Variants in COA1 observed in about 807,000 individuals in gnomAD.
COA1 encodes cytochrome c oxidase assembly factor 1, also known as cytochrome c oxidase assembly factor 1 homolog.
In COA1, 13 loss-of-function variants were observed where a neutral mutation model predicts 16.0. The ratio of observed to expected loss-of-function variants is 0.81; its 90% CI spans 0.53 to 1.29. COA1 has a LOEUF of 1.29. COA1 is among the 50% of genes most tolerant of loss of function. The pLI, the probability that COA1 is intolerant of heterozygous loss-of-function variation, is 0.00. For synonymous variants in COA1, 65 were observed against 65.7 expected (o/e 0.99, Z 0.05); for missense variants, 179 against 177.0 (o/e 1.01, Z -0.06).
intron 6 of COA1, among the ~76,000 whole-genome samples, chr7:43,614,662 T>G (rs538051099): frequency 8.5e-5 from 13 of 152,340 alleles, no homozygotes; most frequent in African/African-American, 2.9e-4. Context: ...TGAAATCCCA[T>G]GAAATAGCTC....
chr7:43,610,346 CAAAAAA>C (rs138859141), intron 6 of COA1, among the ~76,000 whole-genome samples: 46 of 41,322 alleles, frequency 1.1e-3, no homozygotes, highest in African/African-American at 4.4e-3. Context: ...GACTCCGTCT[CAAAAAA>C]AAAAAAAAAA....
intron 1 of COA1, among the ~76,000 whole-genome samples, chr7:43,727,466 T>C (rs1227901508): frequency 6.6e-6 from 1 of 152,070 alleles, no homozygotes; most frequent in African/African-American, 2.4e-5. Context: ...GTGGAAACAA[T>C]CCAAACGTCC....
intron 6 of COA1, among the ~76,000 whole-genome samples, chr7:43,617,478 A>G (rs2083457693): frequency 6.6e-6 from 1 of 152,242 alleles, no homozygotes; most frequent in Non-Finnish European, 1.5e-5. Context: ...TGTTAGCTAA[A>G]TGGAAGAGCG....
chr7:43,707,829 C>A (rs574354515), intron 1 of COA1, among the ~76,000 whole-genome samples: 1 of 152,324 alleles, frequency 6.6e-6, no homozygotes, highest in East Asian at 1.9e-4. Flanking sequence ...TATAAACATT[C>A]TTATACACAC....
At chr7:43,728,818 C>G (rs143985860) in intron 1 of COA1, among the ~76,000 whole-genome samples, 62 of 152,308 alleles carry the variant, frequency 4.1e-4, no homozygotes, top group African/African-American at 1.4e-3. Flanking sequence ...ACCGGAGAAA[C>G]AGGTTATCAA....
At position 43,685,286 on chromosome 7, in the gene COA1, G is replaced by T. The variant is rs1274812204; in HGVS notation, c.-38-36634C>A. On this transcript the variant is annotated intron_variant, in intron 1 of 5. Coordinates refer to ENST00000223336, the MANE Select transcript of COA1 (RefSeq NM_018224.4). ...TAAATGCTCTGGAAGAGGCAAAGGG[G>T]TGCCCTATAGACATCCTACTCTCAA... Among the ~76,000 whole-genome samples, 6 of 152,224 alleles carry T rather than the reference G, an allele frequency of 3.9e-5. No individual in the cohort carries two copies. The South Asian group carries it at 6.2e-4, about 16-fold the overall frequency.
intron 3 of COA1, 118 bp from the exon 4 acceptor site, chr7:43,645,517 G>A: frequency 1.1e-6 from 1 of 888,952 alleles, no homozygotes; most frequent in Non-Finnish European, 1.7e-6. Flanking sequence ...TGAAATCTGT[G>A]GATGGACGAA....
At chr7:43,647,218 CCT>C (rs1479560465) in intron 3 of COA1, 14 of 414,338 alleles carry the variant, frequency 3.4e-5, no homozygotes, top group Non-Finnish European at 6.1e-5. Context: ...ATTCCCCTTC[CCT>C]CTGTCCCTTC....
At position 43,639,616 on chromosome 7, in the gene COA1, C is replaced by G. The variant is rs761977200; in HGVS notation, c.407G>C (p.Ser136Thr). Residue 136 changes from serine to threonine, a missense_variant, in exon 6 of 6, where the codon AGT becomes ACT. Ser to Thr is a moderately conservative substitution (Grantham distance 58, BLOSUM62 1). Transcript: ENST00000223336. ...TTTCACTTCATCACCGTTTTCCCCACTGAGCTTGAACACAGGAATCTGCTG... is the reference window on the plus strand; with the variant it reads ...TTTCACTTCATCACCGTTTTCCCCAGTGAGCTTGAACACAGGAATCTGCTG... ...DGQQIPVFKLSGENGDEVKKE is the reference protein window; with the variant it reads ...DGQQIPVFKLTGENGDEVKKE The G allele has an allele frequency of 6.2e-7, 1 of 1,614,032 alleles. No individual in the cohort carries two copies. Among genetic ancestry groups the G allele is most frequent in the Non-Finnish European group, 8.5e-7 (1 of 1,179,950 alleles).
chr7:43,624,930 G>GTT, intron 6 of COA1: 1 of 1,179,836 alleles, frequency 8.5e-7, no homozygotes, highest in Non-Finnish European at 1.2e-6. Flanking sequence ...ACATGTACTG[G>GTT]AAGTGGATAA....
chr7:43,674,316 AT>A (rs1249610681), intron 1 of COA1, among the ~76,000 whole-genome samples: 6 of 152,244 alleles, frequency 3.9e-5, no homozygotes, highest in Non-Finnish European at 7.3e-5. Flanking sequence ...TATTCTTAAA[AT>A]TCAACTCTGA....
chr7:43,648,471 A>C (rs2153098920), intron 2 of COA1, 129 bp downstream of exon 2: 1 of 966,618 alleles, frequency 1.0e-6, no homozygotes. Context: ...TGTGAAGTTA[A>C]AGCACAAGTG....
intron 1 of COA1, among the ~76,000 whole-genome samples, chr7:43,687,838 G>A (rs2094109779): frequency 6.6e-6 from 1 of 152,022 alleles, no homozygotes; most frequent in Non-Finnish European, 1.5e-5. Flanking sequence ...TCCATTAACA[G>A]GCAGTGATAT....
chr7:43,678,288 T>G (rs978132445), intron 1 of COA1, among the ~76,000 whole-genome samples: 4 of 152,192 alleles, frequency 2.6e-5, no homozygotes, highest in Non-Finnish European at 5.9e-5. Context: ...TGCAAAAGTA[T>G]GAAGTTGGAC....
chr7:43,652,515 AG>A (rs1384470701), intron 1 of COA1, among the ~76,000 whole-genome samples: 2 of 152,240 alleles, frequency 1.3e-5, no homozygotes, highest in Admixed American at 1.3e-4. Context: ...ATTCCCTATC[AG>A]AACTATTACA....
chr7:43,690,804 T>G (rs1479967091), intron 1 of COA1, among the ~76,000 whole-genome samples: 2 of 152,036 alleles, frequency 1.3e-5, no homozygotes, highest in Non-Finnish European at 2.9e-5. Context: ...CCTGTAAGAA[T>G]TAGTTGGTCT....
chr7:43,674,946 CA>C (rs1467153310), intron 1 of COA1, among the ~76,000 whole-genome samples: 1 of 152,180 alleles, frequency 6.6e-6, no homozygotes, highest in African/African-American at 2.4e-5. Flanking sequence ...AGTCATCATC[CA>C]AGTTTGTTTT....
At chr7:43,637,364 G>C (rs1000939563), downstream of COA1, among the ~76,000 whole-genome samples, 2 of 152,142 alleles carry the variant, frequency 1.3e-5, no homozygotes, top group Non-Finnish European at 2.9e-5. Flanking sequence ...TTTGCTGGCT[G>C]TGATCCCTCT....
At chr7:43,691,431 AAGAAAGAAAGAAAG>A (rs2094353737) in intron 1 of COA1, among the ~76,000 whole-genome samples, 2 of 85,826 alleles carry the variant, frequency 2.3e-5, no homozygotes, top group Admixed American at 1.1e-4. Flanking sequence ...AAAAGAAAGA[AAGAAAGAAAGAAAG>A]AAAGAAAGAA....
Sources: gnomAD v4.1 joint callset for allele counts (sites outside exome capture counted in the v4.1 genomes callset) on GRCh38, gnomAD v4.1.1 for gene constraint, MANE v1.5 for transcripts, NCBI Gene and HGNC (gene_info 2026-07-23, HGNC 2026-07-21) for gene names.